The following P4HA3 variants were observed in gnomAD, a reference collection of about 807,000 sequenced individuals.
P4HA3 encodes the protein prolyl 4-hydroxylase subunit alpha 3, also known as prolyl 4-hydroxylase subunit alpha-3.
P4HA3 carries 60 observed loss-of-function variants against 66.7 expected under a neutral mutation model. The ratio of observed to expected loss-of-function variants is 0.90; its 90% CI spans 0.73 to 1.12. The LOEUF (loss-of-function observed/expected upper bound fraction) is 1.12. Among genes scored for constraint, P4HA3 ranks in the 50% most tolerant of loss-of-function variants. The pLI, the probability that P4HA3 is intolerant of heterozygous loss-of-function variation, is 0.00. For synonymous variants in P4HA3, 263 were observed against 274.6 expected (o/e 0.96, Z 0.42); for missense variants, 683 against 685.8 (o/e 1.00, Z 0.05).
At position 74,277,009 on chromosome 11, in the gene P4HA3, A is replaced by T. The variant is rs1351068531; in HGVS notation, c.1311T>A (p.Tyr437Ter). ...QVVNYGIGGH[Y>*]EPHFDHATSP... The stretch of plus-strand genomic sequence containing the variant: ...CCGTAGCATGGTCAAAGTGAGGCTC[A>T]TAGTGTCCTCCGATGCCATAGTTCA... The change falls in exon 9 of 13, where the codon TAT (tyrosine) becomes TAA (stop). Residue 437 changes from tyrosine (Y) to a stop codon, truncating the protein, a stop_gained. Transcript: ENST00000331597. LOFTEE classifies it high-confidence loss of function. 1.2e-6 allele frequency: 2 copies of T among 1,614,008 alleles called. No homozygotes were observed. The highest frequency in any genetic ancestry group is 1.7e-6 in the Non-Finnish European group (2 of 1,179,938).
At chr11:74,302,977 G>A (rs1370892416) in intron 2 of P4HA3, among the ~76,000 whole-genome samples, 1 of 148,304 alleles carries the variant, frequency 6.7e-6, no homozygotes, top group Non-Finnish European at 1.5e-5. Context: ...ATAGAGATAG[G>A]ATCTTGTTCT....
At chr11:74,301,940 A>G (rs1861419646) in intron 3 of P4HA3, among the ~76,000 whole-genome samples, 1 of 151,806 alleles carries the variant, frequency 6.6e-6, no homozygotes, top group African/African-American at 2.4e-5. Context: ...CTTTTCCCCA[A>G]CCTTGCGTCC....
chr11:74,251,603 C>CA, intron 15 of P4HA3: 2 of 1,602,234 alleles, frequency 1.2e-6, no homozygotes, highest in Non-Finnish European at 1.7e-6. Flanking sequence ...GGCTAAGCCC[C>CA]ATCACTAACC....
chr11:74,257,517 C>T (rs189490584), intron 15 of P4HA3, among the ~76,000 whole-genome samples: 4 of 152,132 alleles, frequency 2.6e-5, no homozygotes, highest in East Asian at 3.9e-4. Flanking sequence ...CACAGACAAG[C>T]GCTGGAGACT....
chr11:74,286,175 T>C, intron 6 of P4HA3, 53 bp downstream of exon 6: 1 of 1,577,076 alleles, frequency 6.3e-7, no homozygotes, highest in Non-Finnish European at 8.6e-7. Flanking sequence ...AATTCTAGCT[T>C]CTCAAACTCT....
At chr11:74,296,731 T>C (rs549978151) in intron 4 of P4HA3, among the ~76,000 whole-genome samples, 59 of 152,282 alleles carry the variant, frequency 3.9e-4, no homozygotes, top group African/African-American at 1.4e-3. Context: ...GGTACAACAT[T>C]TGAAACTCCG....
intron 9 of P4HA3, among the ~76,000 whole-genome samples, chr11:74,275,592 G>C (rs1860367213): frequency 6.6e-6 from 1 of 152,112 alleles, no homozygotes; most frequent in East Asian, 1.9e-4. Context: ...ATTAAGTTTT[G>C]AGATCAGATA....
At position 74,267,929 on chromosome 11, in the gene P4HA3, C is replaced by A. The variant is rs578095836; in HGVS notation, c.1564+216G>T. 1.2e-3 allele frequency among the ~76,000 whole-genome samples: 176 copies of A among 152,184 alleles called. 1 individual carries two copies. The highest frequency in any genetic ancestry group is 2.3e-3 in the Non-Finnish European group (157 of 68,040). On this transcript the variant is annotated intron_variant, in intron 12 of 12. Transcript: ENST00000331597. ...AGGCCTATCTGGTCAGGTGAATAAA[C>A]CTTTACTGACTGTCACTCTGTAACA...
At chr11:74,299,355 A>G (rs1388097893) in intron 3 of P4HA3, among the ~76,000 whole-genome samples, 2 of 152,194 alleles carry the variant, frequency 1.3e-5, no homozygotes, top group African/African-American at 2.4e-5. Flanking sequence ...TTAGGGTGTA[A>G]CTTCCTGACA....
Position 74,267,184 on chromosome 11 carries a change from A to G in P4HA3, c.*64T>C. The stretch of plus-strand genomic sequence containing the variant: ...GCTCTGCTTTCTCCTCTCCTACCCC[A>G]GCTTTTGGCTCCTGGCTTCTCTGGA... On this transcript the variant is annotated 3_prime_UTR_variant, in exon 13 of 13. Transcript: ENST00000331597. 6.2e-7 allele frequency: 1 copy of G among 1,610,558 alleles called. No homozygotes were observed. The highest frequency in any genetic ancestry group is 8.5e-7 in the Non-Finnish European group (1 of 1,178,998).
chr11:74,281,110 A>G (rs1860577406), intron 7 of P4HA3, among the ~76,000 whole-genome samples: 1 of 152,214 alleles, frequency 6.6e-6, no homozygotes, highest in Non-Finnish European at 1.5e-5. Flanking sequence ...GCAGCCAAAA[A>G]ACACATGAAA....
intron 15 of P4HA3, chr11:74,250,508 C>T (rs1859629786): frequency 6.3e-6 from 1 of 158,786 alleles, no homozygotes; most frequent in African/African-American, 2.4e-5. Context: ...CCATGCCAAG[C>T]TTCTTGTATT....
intron 1 of P4HA3, among the ~76,000 whole-genome samples, chr11:74,305,155 C>A (rs1042476316): frequency 2.6e-5 from 4 of 152,052 alleles, no homozygotes; most frequent in African/African-American, 9.7e-5. Flanking sequence ...GGGTTGGGGA[C>A]CTCTCTGCTA....
rs1477329768 is a variant in P4HA3, at chr11:74,279,428, C to T, written c.1135G>A (p.Gly379Arg). 3.1e-6 allele frequency: 5 copies of T among 1,613,830 alleles called. No individual in the cohort carries two copies. Among genetic ancestry groups the T allele is most frequent in the Non-Finnish European group, 3.4e-6 (4 of 1,179,894 alleles). ...PWLQRSVVAS[G>R]EKQLQVEYRI... ...TACTCCACTTGTAACTGCTTCTCCC[C>T]TGATGCCACCACTGACCTCTGTAGC... is the stretch of plus-strand genomic sequence containing the variant. Residue 379 changes from glycine (G) to arginine (R), a missense_variant, in exon 8 of 13, where the codon GGG becomes AGG. Coordinates refer to ENST00000331597, the MANE Select transcript of P4HA3 (RefSeq NM_182904.5).
At chr11:74,266,374 C>T (rs897411118), downstream of P4HA3, among the ~76,000 whole-genome samples, 1 of 152,168 alleles carries the variant, frequency 6.6e-6, no homozygotes, top group Non-Finnish European at 1.5e-5. Flanking sequence ...CACATCCTCC[C>T]ATATACTTTG....
intron 15 of P4HA3, chr11:74,255,962 C>T (rs1565399953): frequency 3.9e-6 from 2 of 515,090 alleles, no homozygotes; most frequent in Non-Finnish European, 7.8e-6. Context: ...GCCCTCTTGT[C>T]CACAAGAGGG....
chr11:74,260,956 G>A (rs1021382508), intron 14 of P4HA3, among the ~76,000 whole-genome samples: 2 of 152,130 alleles, frequency 1.3e-5, no homozygotes, highest in African/African-American at 4.8e-5. Flanking sequence ...CTTGCCAACT[G>A]GGGACCTCCA....
chr11:74,252,222 C>T (rs1258454380), intron 15 of P4HA3, among the ~76,000 whole-genome samples: 2 of 149,834 alleles, frequency 1.3e-5, no homozygotes, highest in Non-Finnish European at 3.0e-5. Context: ...CGTACGCCAC[C>T]GTACCCGGCT....
At chr11:74,297,411 GA>G (rs1356916022) in intron 4 of P4HA3, among the ~76,000 whole-genome samples, 1 of 151,446 alleles carries the variant, frequency 6.6e-6, no homozygotes, top group Admixed American at 6.6e-5. Flanking sequence ...ATGGGGAAAG[GA>G]AAAAAAAGGT....
Sources: allele counts gnomAD v4.1 joint callset (sites outside exome capture counted in the v4.1 genomes callset), GRCh38; gene constraint gnomAD v4.1.1; transcripts MANE v1.5; gene names NCBI Gene and HGNC (gene_info 2026-07-23, HGNC 2026-07-21).